Variants in NUGGC observed in about 807,000 individuals in gnomAD.
NUGGC encodes nuclear GTPase SLIP-GC.
A neutral mutation model predicts 92.6 loss-of-function variants in NUGGC; 58 were observed. The observed-to-expected ratio is 0.63, with a 90% CI of 0.51 to 0.78. The LOEUF is 0.78. Among genes scored for constraint, NUGGC ranks in the 30% least tolerant of loss-of-function variants. The pLI, the probability that NUGGC is intolerant of heterozygous loss-of-function variation, is 0.00. For missense variants in NUGGC, 925 were observed against 964.6 expected, an observed-to-expected ratio of 0.96 and a Z score of 0.54; for synonymous variants, 376 against 366.4, an observed-to-expected ratio of 1.03 and a Z score of -0.30.
chr8:28,061,667 G>C (rs1045833129), intron 7 of NUGGC, among the ~76,000 whole-genome samples: 2 of 152,154 alleles, frequency 1.3e-5, no homozygotes, highest in African/African-American at 4.8e-5. Flanking sequence ...GTACAATCGG[G>C]GCTAATGATG....
chr8:28,079,673 A>G (rs1277408917), intron 1 of NUGGC, among the ~76,000 whole-genome samples: 1 of 152,208 alleles, frequency 6.6e-6, no homozygotes, highest in East Asian at 1.9e-4. Flanking sequence ...TCCAAGTTCA[A>G]TGTTCTTTTC....
At chr8:28,053,549 T>G (rs1810060152) in intron 10 of NUGGC, among the ~76,000 whole-genome samples, 1 of 151,896 alleles carries the variant, frequency 6.6e-6, no homozygotes, top group African/African-American at 2.4e-5. Flanking sequence ...TAATTCAAAC[T>G]GAAATAAAGT....
chr8:28,035,575 T>C (rs1190359066), intron 13 of NUGGC, among the ~76,000 whole-genome samples: 1 of 151,644 alleles, frequency 6.6e-6, no homozygotes, highest in Non-Finnish European at 1.5e-5. Context: ...CACAAAGGCG[T>C]CCCCCTGAGA....
chr8:28,041,705 T>G (rs1809703803), intron 12 of NUGGC, among the ~76,000 whole-genome samples: 2 of 152,240 alleles, frequency 1.3e-5, no homozygotes, highest in Non-Finnish European at 2.9e-5. Flanking sequence ...ATTCTGCATT[T>G]CTAGCCAGTC....
chr8:28,071,846 TAGA>T (rs1810598250), intron 2 of NUGGC, among the ~76,000 whole-genome samples: 1 of 150,944 alleles, frequency 6.6e-6, no homozygotes, highest in Admixed American at 6.6e-5. Flanking sequence ...ACCAAAAGAG[TAGA>T]TCCCCAAGAA....
Position 28,066,612 on chromosome 8 carries a change from A to T in NUGGC, c.711+902T>A, listed in dbSNP as rs142690152. Among the ~76,000 whole-genome samples the T allele has an allele frequency of 3.5e-3, 540 of 152,368 alleles. 2 individuals are homozygous for T. The highest frequency in any genetic ancestry group is 0.012 in the African/African-American group (514 of 41,588). On this transcript the variant is annotated intron_variant, in intron 6 of 18. Transcript: ENST00000413272. ...AGCAATATTTTAAAGGTGTATTTAA[A>T]GGTGAGAGATACAAGAAAAACTAGG...
At chr8:28,068,169 G>A (rs1810492821) in intron 5 of NUGGC, 47 bp downstream of exon 5, 2 of 1,188,808 alleles carry the variant, frequency 1.7e-6, no homozygotes, top group East Asian at 5.2e-5. Context: ...AAGAAAGGAA[G>A]GAAAAAGGAA....
At chr8:28,083,249 A>C (rs1810893587) in intron 1 of NUGGC, among the ~76,000 whole-genome samples, 1 of 152,204 alleles carries the variant, frequency 6.6e-6, no homozygotes, top group Admixed American at 6.5e-5. Flanking sequence ...TGTTGACAAT[A>C]TTATCCCTTG....
At chr8:28,045,233 A>G (rs1012716460) in intron 12 of NUGGC, among the ~76,000 whole-genome samples, 2 of 152,214 alleles carry the variant, frequency 1.3e-5, no homozygotes, top group Non-Finnish European at 2.9e-5. Flanking sequence ...CACGCCTGCC[A>G]TCGCTTAAAC....
At chr8:28,067,808 G>C in intron 5 of NUGGC, 64 bp from the exon 6 acceptor site, 1 of 1,291,358 alleles carries the variant, frequency 7.7e-7, no homozygotes, top group East Asian at 2.4e-5. Flanking sequence ...GACAAACAGA[G>C]GGGCCCATTG....
chr8:28,081,150 C>T (rs1285978403), intron 1 of NUGGC, among the ~76,000 whole-genome samples: 1 of 151,980 alleles, frequency 6.6e-6, no homozygotes, highest in African/African-American at 2.4e-5. Flanking sequence ...GAAACCCTGT[C>T]TCTACTAAAA....
intron 1 of NUGGC, among the ~76,000 whole-genome samples, chr8:28,076,316 T>C (rs1213602259): frequency 6.6e-6 from 1 of 152,208 alleles, no homozygotes; most frequent in Non-Finnish European, 1.5e-5. Flanking sequence ...TTTGTTTGCT[T>C]GTGACAGAGT....
rs537528440 is a variant in NUGGC, at chr8:28,027,085, G to A, written c.2155-33C>T. 9.2e-5 allele frequency: 139 copies of A among 1,519,094 alleles called. 2 individuals carry two copies. The highest frequency in any genetic ancestry group is 1.7e-5 in the Non-Finnish European group (19 of 1,093,550). 94.1% of individuals were successfully genotyped at this position (1,519,094 alleles called of 1,614,324 possible). On this transcript the variant is annotated intron_variant, in intron 17 of 18. Coordinates refer to ENST00000413272, the MANE Select transcript of NUGGC (RefSeq NM_001010906.2). ...ACAAGGACATTCAGTCTGTTAGGAT[G>A]GTGCAGCCCAAGGAAAAGTGGATCT...
intron 8 of NUGGC, chr8:28,060,177 C>T (rs1011762286): frequency 4.8e-6 from 3 of 626,232 alleles, no homozygotes; most frequent in East Asian, 6.6e-5. Flanking sequence ...TGAGTGGCAC[C>T]CCCAGAGCTG....
At chr8:28,070,776 AGT>A (rs1413358336) in intron 2 of NUGGC, among the ~76,000 whole-genome samples, 5 of 150,866 alleles carry the variant, frequency 3.3e-5, no homozygotes, top group African/African-American at 1.2e-4. Context: ...TTGTAGAGAC[AGT>A]GTTTCTGTAT....
At chr8:28,061,290 T>C (rs935763818) in intron 7 of NUGGC, among the ~76,000 whole-genome samples, 1 of 152,218 alleles carries the variant, frequency 6.6e-6, no homozygotes, top group African/African-American at 2.4e-5. Context: ...CAAAGGCCAA[T>C]GAACATGAAA....
chr8:28,044,334 A>C (rs1372925760), intron 12 of NUGGC, among the ~76,000 whole-genome samples: 1 of 152,214 alleles, frequency 6.6e-6, no homozygotes, highest in Admixed American at 6.5e-5. Flanking sequence ...GAGGACAAGC[A>C]GAGGCTGTTT....
chr8:28,047,454 C>T, intron 11 of NUGGC, 53 bp downstream of exon 11: 1 of 1,182,680 alleles, frequency 8.5e-7, no homozygotes, highest in Non-Finnish European at 1.2e-6. Context: ...ATTCGAAGTG[C>T]CAAGCTTGAT....
chr8:28,033,595 C>T lies in NUGGC; in HGVS notation c.1714G>A (p.Ala572Thr). ...RTLARIDLNE[A>T]LTQPVYDQID... ...TGGTCATAGACGGGCTGAGTGAGGG[C>T]TTCATTTAGATCAATTCTCGCCAGA... is the stretch of plus-strand genomic sequence containing the variant. Residue 572 changes from alanine to threonine, a missense_variant, in exon 14 of 19, where the codon GCC becomes ACC. Transcript: ENST00000413272. 2 of 1,613,964 alleles carry T rather than the reference C, an allele frequency of 1.2e-6. No individual in the cohort carries two copies. Among genetic ancestry groups the T allele is most frequent in the Non-Finnish European group, 1.7e-6 (2 of 1,179,866 alleles).
Sources: allele counts gnomAD v4.1 joint callset (sites outside exome capture counted in the v4.1 genomes callset), GRCh38; gene constraint gnomAD v4.1.1; transcripts MANE v1.5; gene names NCBI Gene and HGNC (gene_info 2026-07-23, HGNC 2026-07-21).